The following NCAM1 variants were observed in gnomAD, a reference collection of about 807,000 sequenced individuals.
The protein encoded by NCAM1 is antigen recognized by monoclonal antibody 5.1H11.
Under a neutral mutation model 109.8 loss-of-function variants are expected in NCAM1, and 14 were observed. The observed-to-expected ratio is 0.13, with a 90% CI of 0.08 to 0.20. The LOEUF (loss-of-function observed/expected upper bound fraction) is 0.20, where lower values mean the gene tolerates loss of function less well. Ranked by LOEUF, NCAM1 falls within the 10% of genes least tolerant of loss-of-function variation. NCAM1 has a pLI of 1.00. For synonymous variants in NCAM1, 418 were observed against 442.9 expected (o/e 0.94, Z 0.70); for missense variants, 774 against 1,109.9 (o/e 0.70, Z 4.30).
intron 1 of NCAM1, among the ~76,000 whole-genome samples, chr11:113,101,700 G>T (rs782375782): frequency 1.3e-5 from 2 of 152,132 alleles, no homozygotes; most frequent in Admixed American, 6.5e-5. Flanking sequence ...TATTAAGTAA[G>T]AATAGTTAAC....
intron 1 of NCAM1, among the ~76,000 whole-genome samples, chr11:113,043,959 G>A (rs1555080390): frequency 6.9e-5 from 10 of 145,482 alleles, no homozygotes; most frequent in Non-Finnish European, 1.5e-4. Flanking sequence ...TTTTTTTTTC[G>A]ATTACACAGC....
rs377585710 is a variant in NCAM1, at chr11:113,167,982, CTG to C, written c.53-34395_53-34394del. The stretch of plus-strand genomic sequence containing the variant: ...ACCTGTTCTATAACTTCTTTGGAAA[CTG>C]TATGTATGTTAGGGTGTGACTGGAT... On this transcript the variant is annotated intron_variant, in intron 1 of 19. Coordinates refer to ENST00000316851, the MANE Select transcript of NCAM1 (RefSeq NM_181351.5). Among the ~76,000 whole-genome samples, 54 of 152,234 alleles carry C rather than the reference CTG, an allele frequency of 3.5e-4. No homozygotes were observed. In the East Asian group the frequency reaches 7.2e-3, roughly 20 times the overall value.
intron 1 of NCAM1, among the ~76,000 whole-genome samples, chr11:113,033,265 ATTC>A (rs1270996219): frequency 6.6e-6 from 1 of 152,210 alleles, no homozygotes; most frequent in African/African-American, 2.4e-5. Context: ...GCAGATTCCT[ATTC>A]TTCTCCATAT....
At chr11:113,118,930 T>C (rs1265209314) in intron 1 of NCAM1, among the ~76,000 whole-genome samples, 2 of 151,960 alleles carry the variant, frequency 1.3e-5, no homozygotes, top group Non-Finnish European at 2.9e-5. Context: ...CAAAAATCAA[T>C]TGTGTTTAAT....
Position 113,260,151 on chromosome 11 carries a change from C to G in NCAM1, c.1959C>G (p.Ser653=), listed in dbSNP as rs1256819074. The change falls in exon 17 of 20, where the codon TCC becomes TCG. Residue 653 remains serine, a synonymous_variant. Transcript: ENST00000316851. ...RHYLVRYRAL[S]SEWKPEIRLP... ...TTGCCGGTTTCTCCCAGAAGCTCTC[C>G]TCCGAGTGGAAACCAGAGATCAGGC... 1.9e-6 allele frequency: 3 copies of G among 1,610,332 alleles called. No individual in the cohort carries two copies. Among genetic ancestry groups the G allele is most frequent in the Non-Finnish European group, 2.5e-6 (3 of 1,178,872 alleles).
At chr11:113,208,122 T>C (rs1944291269) in intron 7 of NCAM1, 120 bp downstream of exon 7, 2 of 1,194,748 alleles carry the variant, frequency 1.7e-6, no homozygotes, top group Admixed American at 4.5e-5. Flanking sequence ...CAACCATTTC[T>C]TGCCAGTTCC....
chr11:113,110,590 A>G (rs1312144020), intron 1 of NCAM1, among the ~76,000 whole-genome samples: 1 of 152,238 alleles, frequency 6.6e-6, no homozygotes, highest in East Asian at 1.9e-4. Context: ...GGTTCTAAAT[A>G]GTAAGAAAAT....
At chr11:112,974,587 C>G in intron 1 of NCAM1, among the ~76,000 whole-genome samples, 1 of 152,022 alleles carries the variant, frequency 6.6e-6, no homozygotes, top group East Asian at 1.9e-4. Flanking sequence ...TTTCTCTAAG[C>G]TGAATAAGAA....
intron 1 of NCAM1, among the ~76,000 whole-genome samples, chr11:113,006,559 A>G (rs782529792): frequency 6.6e-5 from 10 of 152,204 alleles, no homozygotes; most frequent in Non-Finnish European, 1.5e-4. Context: ...TGCAGGCATC[A>G]TGAGGTTTGC....
chr11:113,172,130 T>C (rs1943014308), intron 1 of NCAM1, among the ~76,000 whole-genome samples: 1 of 152,222 alleles, frequency 6.6e-6, no homozygotes, highest in African/African-American at 2.4e-5. Flanking sequence ...AAGGAATTTC[T>C]CTTTACCCTG....
intron 1 of NCAM1, among the ~76,000 whole-genome samples, chr11:113,063,739 G>A (rs1295654784): frequency 7.0e-6 from 1 of 143,784 alleles, no homozygotes; most frequent in Non-Finnish European, 1.6e-5. Flanking sequence ...ATGATACTTT[G>A]GTCCATAAGA....
At chr11:113,180,931 T>C (rs868932414) in intron 1 of NCAM1, among the ~76,000 whole-genome samples, 2 of 152,350 alleles carry the variant, frequency 1.3e-5, no homozygotes, top group Middle Eastern at 3.4e-3. Context: ...TTGTAAAGCA[T>C]GTGGCCCACA....
chr11:113,255,597 G>T (rs1443861284), intron 15 of NCAM1, among the ~76,000 whole-genome samples: 5 of 92,942 alleles, frequency 5.4e-5, no homozygotes, highest in South Asian at 4.4e-4. Flanking sequence ...TGAGACAGGG[G>T]AAAAAAAAAA....
intron 15 of NCAM1, among the ~76,000 whole-genome samples, chr11:113,251,972 G>C (rs540932553): frequency 1.3e-5 from 2 of 152,190 alleles, no homozygotes; most frequent in Admixed American, 6.5e-5. Context: ...TAATCTTTAA[G>C]AGAATTTGCT....
rs975782811 is a variant in NCAM1 at position 113,148,943 on chromosome 11, C to A, written c.53-53436C>A. Among the ~76,000 whole-genome samples the A allele has an allele frequency of 5.5e-4, 83 of 152,278 alleles. 1 individual carries two copies. Among genetic ancestry groups the A allele is most frequent in the African/African-American group, 1.9e-3 (81 of 41,558 alleles). ...CAGAAGCCAATGAGTGACTGTCTCA[C>A]CTCCTCACTCTCCTCCTTGGGCTGA... On this transcript the variant is annotated intron_variant, in intron 1 of 19. Coordinates refer to ENST00000316851, the MANE Select transcript of NCAM1 (RefSeq NM_181351.5).
At chr11:113,032,069 G>A (rs1555078437) in intron 1 of NCAM1, among the ~76,000 whole-genome samples, 1 of 152,138 alleles carries the variant, frequency 6.6e-6, no homozygotes, top group Non-Finnish European at 1.5e-5. Flanking sequence ...AGCCTCGTGA[G>A]TAGCTGGGAC....
At chr11:113,084,938 T>C (rs1479802510) in intron 1 of NCAM1, among the ~76,000 whole-genome samples, 6 of 152,198 alleles carry the variant, frequency 3.9e-5, no homozygotes, top group Non-Finnish European at 8.8e-5. Context: ...AAACATACTG[T>C]TGTTGTTGAT....
At chr11:112,984,324 G>A (rs1951236056) in intron 1 of NCAM1, among the ~76,000 whole-genome samples, 1 of 151,830 alleles carries the variant, frequency 6.6e-6, no homozygotes, top group East Asian at 1.9e-4. Context: ...CTGTAACTTG[G>A]CTATTGTGAA....
intron 1 of NCAM1, among the ~76,000 whole-genome samples, chr11:113,081,289 AAGAC>A (rs1938802661): frequency 6.6e-6 from 1 of 152,200 alleles, no homozygotes; most frequent in Non-Finnish European, 1.5e-5. Flanking sequence ...AAAGGAGTCT[AAGAC>A]AGCCTTCCAT....
Sources: gnomAD v4.1 joint callset for allele counts (sites outside exome capture counted in the v4.1 genomes callset) on GRCh38, gnomAD v4.1.1 for gene constraint, MANE v1.5 for transcripts, NCBI Gene and HGNC (gene_info 2026-07-23, HGNC 2026-07-21) for gene names.